The following ACAD11 variants were observed in gnomAD, a reference collection of about 807,000 sequenced individuals.
The protein encoded by ACAD11 is acyl-CoA dehydrogenase family member 11, also known as acyl-Coenzyme A dehydrogenase family, member 11.
A neutral mutation model predicts 102.2 loss-of-function variants in ACAD11; 83 were observed. That is an observed-to-expected ratio of 0.81 (90% CI 0.68 to 0.97). The LOEUF is 0.97. ACAD11 is among the 50% of genes least tolerant of loss of function. The probability of loss-of-function intolerance (pLI) is 0.00; values close to 1 mark genes in which losing one functional copy is unlikely to be tolerated. For missense variants in ACAD11, 901 were observed against 951.7 expected, an observed-to-expected ratio of 0.95 and a Z score of 0.70; for synonymous variants, 324 against 319.8, an observed-to-expected ratio of 1.01 and a Z score of -0.14.
intron 13 of ACAD11, among the ~76,000 whole-genome samples, chr3:132,585,198 CA>C (rs1202252141): frequency 6.6e-6 from 1 of 152,134 alleles, no homozygotes; most frequent in Non-Finnish European, 1.5e-5. Flanking sequence ...CGCATATGTA[CA>C]ACTATCTGAT....
chr3:132,644,571 G>A (rs1940647257), intron 2 of ACAD11, among the ~76,000 whole-genome samples: 1 of 151,642 alleles, frequency 6.6e-6, no homozygotes, highest in Admixed American at 6.6e-5. Context: ...CAAAAGAACT[G>A]GGTGTTGTTC....
At chr3:132,561,343 C>T (rs1332986208) in intron 17 of ACAD11, 126 bp from the exon 18 acceptor site, 1 of 735,810 alleles carries the variant, frequency 1.4e-6, no homozygotes, top group South Asian at 1.5e-5. Context: ...AAGCTTTACT[C>T]TATGTATTTT....
chr3:132,653,147 A>G (rs1937616337), intron 1 of ACAD11, among the ~76,000 whole-genome samples: 1 of 152,194 alleles, frequency 6.6e-6, no homozygotes, highest in Non-Finnish European at 1.5e-5. Context: ...TGACCTCAGC[A>G]AACCTCAAAG....
At chr3:132,626,896 A>G in intron 8 of ACAD11, 79 bp from the exon 9 acceptor site, 1 of 1,416,028 alleles carries the variant, frequency 7.1e-7, no homozygotes, top group Admixed American at 2.4e-5. Flanking sequence ...TATAATGTGA[A>G]GTTTCCTCAG....
chr3:132,643,844 G>C (rs966591817), intron 2 of ACAD11, among the ~76,000 whole-genome samples: 9 of 152,254 alleles, frequency 5.9e-5, no homozygotes, highest in African/African-American at 2.2e-4. Flanking sequence ...AGTTGAAACA[G>C]AGTACTCCAG....
chr3:132,655,330 TTTG>T lies in ACAD11; in HGVS notation c.149+4270_149+4272del, dbSNP rs1304562104. ...TTTTTTTGTTGTTGTTGTTTGTTTG[TTTG>T]TTTAAAGATTACTTCCCTCCTCTGC... is the stretch of plus-strand genomic sequence containing the variant. On this transcript the variant is annotated intron_variant, in intron 1 of 19. Coordinates refer to ENST00000264990, the MANE Select transcript of ACAD11 (RefSeq NM_032169.5). Among the ~76,000 whole-genome samples, 572 of 152,298 alleles carry T rather than the reference TTTG, an allele frequency of 3.8e-3. 2 individuals carry two copies. The highest frequency in any genetic ancestry group is 0.013 in the African/African-American group (541 of 41,562).
At chr3:132,565,674 T>C (rs1031689008) in intron 17 of ACAD11, among the ~76,000 whole-genome samples, 2 of 152,220 alleles carry the variant, frequency 1.3e-5, no homozygotes, top group Non-Finnish European at 2.9e-5. Flanking sequence ...AGGTGGAACC[T>C]AGTGGGAGGG....
chr3:132,632,784 G>A (rs1576607702), intron 5 of ACAD11, among the ~76,000 whole-genome samples: 1 of 152,236 alleles, frequency 6.6e-6, no homozygotes, highest in Admixed American at 6.5e-5. Context: ...TCCTTGAAGA[G>A]ATCCTTCACA....
chr3:132,640,117 AC>A (rs1317411622), intron 4 of ACAD11, among the ~76,000 whole-genome samples: 1 of 150,840 alleles, frequency 6.6e-6, no homozygotes, highest in African/African-American at 2.4e-5. Flanking sequence ...GAAGACATTT[AC>A]TTTTTTTTTT....
chr3:132,600,583 A>G, intron 13 of ACAD11: 3 of 1,613,970 alleles, frequency 1.9e-6, no homozygotes, highest in Non-Finnish European at 2.5e-6. Context: ...ATTCCATGGT[A>G]GTGGCAATTT....
At chr3:132,624,391 G>C (rs1939724320) in intron 9 of ACAD11, among the ~76,000 whole-genome samples, 1 of 151,502 alleles carries the variant, frequency 6.6e-6, no homozygotes, top group Non-Finnish European at 1.5e-5. Context: ...CGGATCACGA[G>C]GTCAGGAGTT....
intron 13 of ACAD11, among the ~76,000 whole-genome samples, chr3:132,582,384 G>A (rs1444108263): frequency 6.6e-6 from 1 of 151,622 alleles, no homozygotes; most frequent in Non-Finnish European, 1.5e-5. Context: ...TTTGGATGTG[G>A]AGACATGGGA....
intron 11 of ACAD11, among the ~76,000 whole-genome samples, chr3:132,612,386 A>G (rs1939194958): frequency 1.3e-5 from 2 of 152,062 alleles, no homozygotes; most frequent in African/African-American, 4.8e-5. Flanking sequence ...GGATCTAATT[A>G]AACTAAAGAG....
At position 132,659,789 on chromosome 3, in the gene ACAD11, G is replaced by A; in HGVS notation, c.-38C>T. 1 of 1,550,688 alleles carries A rather than the reference G, an allele frequency of 6.4e-7. No homozygotes were observed. The highest frequency in any genetic ancestry group is 8.7e-7 in the Non-Finnish European group (1 of 1,148,756). ...AGGCCACAGCAACGCGGCATCCACA[G>A]GTCTCGAGTGCCGAAGTCCTTCAGG... On this transcript the variant is annotated 5_prime_UTR_variant, in exon 1 of 20. Transcript: ENST00000264990.
chr3:132,632,679 T>C (rs995326746), intron 5 of ACAD11, among the ~76,000 whole-genome samples: 1 of 152,214 alleles, frequency 6.6e-6, no homozygotes, highest in African/African-American at 2.4e-5. Context: ...AGTATGGCCA[T>C]TTTCACAATA....
At chr3:132,656,163 A>ACATTT (rs1255980032) in intron 1 of ACAD11, among the ~76,000 whole-genome samples, 5 of 152,222 alleles carry the variant, frequency 3.3e-5, no homozygotes, top group African/African-American at 1.2e-4. Flanking sequence ...CTGTAGCTGA[A>ACATTT]TCATTTTCAC....
At chr3:132,638,573 G>C (rs1940361265) in intron 5 of ACAD11, among the ~76,000 whole-genome samples, 1 of 152,050 alleles carries the variant, frequency 6.6e-6, no homozygotes, top group Non-Finnish European at 1.5e-5. Flanking sequence ...AGATGAATAA[G>C]ATACAGTCAT....
intron 4 of ACAD11, among the ~76,000 whole-genome samples, chr3:132,641,595 AAG>A (rs1559973729): frequency 6.8e-6 from 1 of 147,318 alleles, no homozygotes; most frequent in Non-Finnish European, 1.5e-5. Flanking sequence ...GAAGAAGAAG[AAG>A]AAGAAGAGGA....
At position 132,624,164 on chromosome 3, in the gene ACAD11, G is replaced by A. The variant is rs550493843; in HGVS notation, c.1197+2527C>T. Among the ~76,000 whole-genome samples, 240 of 151,878 alleles carry A rather than the reference G, an allele frequency of 1.6e-3. 3 individuals are homozygous for A. The highest frequency in any genetic ancestry group is 4.5e-3 in the African/African-American group (185 of 41,396). On this transcript the variant is annotated intron_variant, in intron 9 of 19. Coordinates refer to ENST00000264990, the MANE Select transcript of ACAD11 (RefSeq NM_032169.5). ...TACAAAAAAATGTAAAATTTAGCCC[G>A]GTATGGTGGCATATTCCTGTAATCC...
Sources: gnomAD v4.1 joint callset for allele counts (sites outside exome capture counted in the v4.1 genomes callset) on GRCh38, gnomAD v4.1.1 for gene constraint, MANE v1.5 for transcripts, NCBI Gene and HGNC (gene_info 2026-07-23, HGNC 2026-07-21) for gene names.